RBMS3: variants seen among roughly 807,000 people sequenced by gnomAD.
The protein encoded by RBMS3 is RNA-binding motif, single-stranded-interacting protein 3.
In RBMS3, 27 loss-of-function variants were observed where a neutral mutation model predicts 66.8. The observed-to-expected ratio is 0.40, with a 90% CI of 0.30 to 0.56. The LOEUF is 0.56. Among genes scored for constraint, RBMS3 ranks in the 20% least tolerant of loss-of-function variants. The pLI, the probability that RBMS3 is intolerant of heterozygous loss-of-function variation, is 0.40. For missense variants in RBMS3, 513 were observed against 549.5 expected (o/e 0.93, Z 0.66); for synonymous variants, 188 against 183.0 (o/e 1.03, Z -0.22).
chr3:29,897,305 T>A, intron 8 of RBMS3, 74 bp from the exon 9 acceptor site: 1 of 1,306,288 alleles, frequency 7.7e-7, no homozygotes, highest in Non-Finnish European at 1.1e-6. Context: ...TTCCCATAGG[T>A]ACTTGATAGC....
intron 1 of RBMS3, among the ~76,000 whole-genome samples, chr3:29,293,232 C>CTGTA (rs1244721702): frequency 6.6e-6 from 1 of 151,292 alleles, no homozygotes; most frequent in Non-Finnish European, 1.5e-5. Flanking sequence ...CATATACGAT[C>CTGTA]TGTATGTGCT....
intron 4 of RBMS3, among the ~76,000 whole-genome samples, chr3:29,735,731 T>G (rs1262099255): frequency 6.6e-6 from 1 of 152,206 alleles, no homozygotes; most frequent in African/African-American, 2.4e-5. Context: ...CACAACCTAT[T>G]TATTAATCAT....
intron 5 of RBMS3, among the ~76,000 whole-genome samples, chr3:29,740,902 G>A (rs1353199371): frequency 3.3e-5 from 5 of 151,960 alleles, no homozygotes; most frequent in Admixed American, 2.0e-4. Context: ...TAGCCGTTGC[G>A]TGGTGGCACA....
chr3:29,893,417 T>A (rs1559775501), intron 8 of RBMS3, among the ~76,000 whole-genome samples: 1 of 151,554 alleles, frequency 6.6e-6, no homozygotes, highest in Non-Finnish European at 1.5e-5. Flanking sequence ...TCATTTTTAA[T>A]ACTCCAATTG....
rs1385720193 is a variant in RBMS3 at position 29,343,593 on chromosome 3, C to T, written c.75+61837C>T. The stretch of plus-strand genomic sequence containing the variant: ...ATCAAATCACAGAAAAAAAAATGTT[C>T]CTAACTTCAAAAATGGAAGACAACA... On this transcript the variant is annotated intron_variant, in intron 1 of 14. Coordinates refer to ENST00000383767, the MANE Select transcript of RBMS3 (RefSeq NM_001003793.3). Among the ~76,000 whole-genome samples the T allele has an allele frequency of 3.9e-5, 6 of 152,000 alleles. No homozygotes were observed. The East Asian group carries it at 1.2e-3, about 29-fold the overall frequency.
At chr3:29,713,793 A>T (rs2053271396) in intron 4 of RBMS3, among the ~76,000 whole-genome samples, 1 of 152,036 alleles carries the variant, frequency 6.6e-6, no homozygotes, top group South Asian at 2.1e-4. Context: ...TGTAGCTCAC[A>T]TCAGTAATCC....
intron 4 of RBMS3, among the ~76,000 whole-genome samples, chr3:29,731,330 T>C (rs1297184962): frequency 2.6e-5 from 4 of 152,236 alleles, no homozygotes; most frequent in Non-Finnish European, 5.9e-5. Context: ...GTGTTTCTTA[T>C]CTTAGGGAAA....
intron 12 of RBMS3, among the ~76,000 whole-genome samples, chr3:29,970,672 A>G (rs374008280): frequency 1.2e-4 from 19 of 152,282 alleles, no homozygotes; most frequent in African/African-American, 4.6e-4. Flanking sequence ...AGAAGTCCAA[A>G]GCTTTATGCA....
chr3:29,648,799 T>TC (rs1468942782), intron 4 of RBMS3, among the ~76,000 whole-genome samples: 2 of 152,194 alleles, frequency 1.3e-5, no homozygotes, highest in African/African-American at 4.8e-5. Flanking sequence ...TTAACAAACT[T>TC]GAAAAAGTCT....
In RBMS3 at chr3:29,739,252, G is replaced by T. The variant is rs6775769; in HGVS notation, c.400-468G>T. 5.3e-5 allele frequency among the ~76,000 whole-genome samples: 8 copies of T among 151,478 alleles called. No individual in the cohort carries two copies. In the South Asian group the frequency reaches 6.2e-4, roughly 12 times the overall value. ...GCGGATCACTAAGTCAGGAGGAGAT[G>T]GAGACCATCCTGGCTAACACGGTGA... is the stretch of plus-strand genomic sequence containing the variant. On this transcript the variant is annotated intron_variant, in intron 4 of 14. Transcript: ENST00000383767.
chr3:29,974,275 A>G (rs115321948), intron 12 of RBMS3, among the ~76,000 whole-genome samples: 2,460 of 151,988 alleles, frequency 0.016, 34 homozygotes, highest in Non-Finnish European at 0.022. Context: ...TTCACCTCAC[A>G]TCTTGCTTCA....
intron 12 of RBMS3, among the ~76,000 whole-genome samples, chr3:29,979,744 T>C (rs1041067737): frequency 6.6e-6 from 1 of 152,226 alleles, no homozygotes; most frequent in Non-Finnish European, 1.5e-5. Context: ...GCTTTATCCA[T>C]GTCCCTGCAA....
At chr3:29,932,027 C>T (rs1381069373) in intron 10 of RBMS3, among the ~76,000 whole-genome samples, 1 of 152,032 alleles carries the variant, frequency 6.6e-6, no homozygotes, top group Admixed American at 6.6e-5. Context: ...TTTCACTTAT[C>T]CAAATAATTT....
chr3:29,318,800 A>T (rs112422007), intron 1 of RBMS3, among the ~76,000 whole-genome samples: 2 of 151,968 alleles, frequency 1.3e-5, no homozygotes, highest in African/African-American at 4.8e-5. Context: ...AGACTTAAGT[A>T]AGAAATATGC....
intron 12 of RBMS3, 52 bp downstream of exon 12, chr3:29,944,306 T>C (rs1191806286): frequency 6.8e-7 from 1 of 1,471,652 alleles, no homozygotes; most frequent in Non-Finnish European, 9.5e-7. Context: ...GAGATGGAGG[T>C]TGCCTGGTTT....
chr3:29,902,331 G>A (rs947964214), intron 10 of RBMS3, among the ~76,000 whole-genome samples: 2 of 151,782 alleles, frequency 1.3e-5, no homozygotes, highest in Non-Finnish European at 2.9e-5. Context: ...TTCTCATTAT[G>A]CTTTAAATTA....
At chr3:29,651,039 A>T (rs916412247) in intron 4 of RBMS3, among the ~76,000 whole-genome samples, 21 of 147,388 alleles carry the variant, frequency 1.4e-4, no homozygotes, top group African/African-American at 5.6e-4. Flanking sequence ...GTTGCCTTTA[A>T]AAAATCAAAA....
intron 4 of RBMS3, among the ~76,000 whole-genome samples, chr3:29,628,638 G>T (rs887701055): frequency 6.6e-6 from 1 of 151,958 alleles, no homozygotes; most frequent in Admixed American, 6.6e-5. Flanking sequence ...CATTATTCAT[G>T]TTCATCAGTA....
At chr3:29,467,098 T>C (rs2042570232) in intron 2 of RBMS3, among the ~76,000 whole-genome samples, 1 of 152,350 alleles carries the variant, frequency 6.6e-6, no homozygotes, top group East Asian at 1.9e-4. Flanking sequence ...ACTCTAAGCT[T>C]GGCTTTTCTT....
Sources: gnomAD v4.1 joint callset for allele counts (sites outside exome capture counted in the v4.1 genomes callset) on GRCh38, gnomAD v4.1.1 for gene constraint, MANE v1.5 for transcripts, NCBI Gene and HGNC (gene_info 2026-07-23, HGNC 2026-07-21) for gene names.